Variants in RGS18 observed in about 807,000 individuals in gnomAD.
RGS18 encodes regulator of G-protein signaling 18.
In RGS18, 22 loss-of-function variants were observed where a neutral mutation model predicts 27.6. The ratio of observed to expected loss-of-function variants is 0.80; its 90% CI spans 0.57 to 1.14. RGS18 has a LOEUF of 1.14. Ranked by LOEUF, RGS18 falls within the 50% of genes most tolerant of loss-of-function variation. RGS18 has a pLI of 0.00. For synonymous variants in RGS18, 89 were observed against 84.6 expected, an observed-to-expected ratio of 1.05 and a Z score of -0.29; for missense variants, 299 against 269.6, an observed-to-expected ratio of 1.11 and a Z score of -0.76.
chr1:192,174,658 C>T (rs763707565), intron 3 of RGS18, among the ~76,000 whole-genome samples: 7 of 151,880 alleles, frequency 4.6e-5, no homozygotes, highest in Admixed American at 1.3e-4. Flanking sequence ...AATTACAAAA[C>T]GGAAATACTC....
chr1:192,171,489 A>G (rs555896305), intron 3 of RGS18, among the ~76,000 whole-genome samples: 1 of 152,192 alleles, frequency 6.6e-6, no homozygotes, highest in African/African-American at 2.4e-5. Flanking sequence ...TAGTTAATTA[A>G]CTAATATGTA....
intron 4 of RGS18, among the ~76,000 whole-genome samples, chr1:192,182,871 G>A (rs1019737756): frequency 1.3e-5 from 2 of 151,410 alleles, no homozygotes; most frequent in Non-Finnish European, 3.0e-5. Context: ...CTATTTATAC[G>A]GAGTTTTGTT....
intron 3 of RGS18, 131 bp from the exon 4 acceptor site, chr1:192,181,161 G>A: frequency 3.8e-6 from 2 of 521,784 alleles, no homozygotes; most frequent in Non-Finnish European, 6.7e-6. Context: ...TGCAAGATGT[G>A]TGCTGCGGTG....
chr1:192,183,247 A>C (rs1656485744), intron 4 of RGS18, among the ~76,000 whole-genome samples: 1 of 151,604 alleles, frequency 6.6e-6, no homozygotes, highest in Non-Finnish European at 1.5e-5. Flanking sequence ...TCAGAACCAG[A>C]TATATATGCA....
intron 3 of RGS18, chr1:192,168,450 G>A (rs987517100): frequency 1.3e-5 from 2 of 152,036 alleles, no homozygotes; most frequent in East Asian, 1.9e-4. Context: ...ATATTAGTAC[G>A]CTGACTTCAC....
At chr1:192,175,139 T>C (rs945560060) in intron 3 of RGS18, among the ~76,000 whole-genome samples, 5 of 151,860 alleles carry the variant, frequency 3.3e-5, no homozygotes, top group Non-Finnish European at 1.5e-5. Flanking sequence ...ACTTAATTAC[T>C]TTTCATAGTT....
chr1:192,158,543 CTT>C lies in RGS18; in HGVS notation c.-91_-90del. On this transcript the variant is annotated 5_prime_UTR_variant, in exon 1 of 5. Coordinates refer to ENST00000367460, the MANE Select transcript of RGS18 (RefSeq NM_130782.3). Reference sequence around the variant, plus strand: ...AACATTACTGTAAGAGTTGTGATAACTTTTTATTCTACTATGTATATGTATGG... The same window carrying C: ...AACATTACTGTAAGAGTTGTGATAACTTTATTCTACTATGTATATGTATGG... 9.0e-7 allele frequency: 1 copy of C among 1,105,276 alleles called. No individual in the cohort carries two copies. 68.5% of individuals were successfully genotyped at this position (1,105,276 alleles called of 1,614,324 possible).
At chr1:192,178,018 T>A (rs1656386326) in intron 3 of RGS18, among the ~76,000 whole-genome samples, 1 of 151,640 alleles carries the variant, frequency 6.6e-6, no homozygotes, top group African/African-American at 2.4e-5. Flanking sequence ...GAGGTTTTTA[T>A]AATAATTTGT....
chr1:192,172,416 G>C (rs778892003), intron 3 of RGS18, among the ~76,000 whole-genome samples: 22 of 151,794 alleles, frequency 1.4e-4, no homozygotes, highest in Non-Finnish European at 3.1e-4. Context: ...ACCATATTTT[G>C]ACCCAGCACA....
chr1:192,175,041 C>T (rs1656334396), intron 3 of RGS18, among the ~76,000 whole-genome samples: 1 of 151,768 alleles, frequency 6.6e-6, no homozygotes, highest in Admixed American at 6.6e-5. Context: ...GCTAGCATAT[C>T]CATCCCTTCT....
rs764353778 is a variant in RGS18, at chr1:192,158,663, C to A, written c.26C>A (p.Ser9Tyr). ...ATGGAAACAACATTGCTTTTCTTTT[C>A]TCAAATAAATATGTGTGAATCAAAA... is the stretch of plus-strand genomic sequence containing the variant. METTLLFF[S>Y]QINMCESKEK... The change falls in exon 1 of 5, where the codon TCT (serine) becomes TAT (tyrosine). Residue 9 changes from serine (S) to tyrosine (Y), a missense_variant. Physicochemically the swap from Ser to Tyr is moderately radical, Grantham distance 144. Transcript: ENST00000367460. 1.3e-6 allele frequency: 2 copies of A among 1,569,310 alleles called. No individual in the cohort carries two copies. Among genetic ancestry groups the A allele is most frequent in the African/African-American group, 2.8e-5 (2 of 72,266 alleles).
intron 3 of RGS18, among the ~76,000 whole-genome samples, chr1:192,165,664 T>C (rs934713591): frequency 6.6e-6 from 1 of 152,208 alleles, no homozygotes; most frequent in Non-Finnish European, 1.5e-5. Flanking sequence ...GGGGTCTGGT[T>C]CCCCTGATAC....
intron 3 of RGS18, among the ~76,000 whole-genome samples, chr1:192,178,494 T>C (rs1176734198): frequency 6.6e-6 from 1 of 151,516 alleles, no homozygotes; most frequent in African/African-American, 2.4e-5. Flanking sequence ...AGAGGTGTAA[T>C]AGGAAACTCT....
At chr1:192,161,888 T>C (rs2102150431) in intron 3 of RGS18, among the ~76,000 whole-genome samples, 1 of 152,352 alleles carries the variant, frequency 6.6e-6, no homozygotes, top group Admixed American at 6.5e-5. Context: ...TCCTTAATTG[T>C]CCAACTCTTT....
At chr1:192,170,287 G>T (rs1285233741) in intron 3 of RGS18, among the ~76,000 whole-genome samples, 1 of 152,158 alleles carries the variant, frequency 6.6e-6, no homozygotes, top group Non-Finnish European at 1.5e-5. Context: ...CCTAGTGGGA[G>T]ACATTTGGGT....
At chr1:192,180,463 T>C (rs1008913562) in intron 3 of RGS18, among the ~76,000 whole-genome samples, 5 of 151,598 alleles carry the variant, frequency 3.3e-5, no homozygotes, top group African/African-American at 1.2e-4. Context: ...CAAGACTTAA[T>C]ACCTGCCCCT....
intron 3 of RGS18, among the ~76,000 whole-genome samples, chr1:192,164,710 C>T (rs1557934738): frequency 6.6e-6 from 1 of 152,134 alleles, no homozygotes; most frequent in Non-Finnish European, 1.5e-5. Context: ...AAGAAGGGAC[C>T]AGCTGAAGCT....
chr1:192,178,270 G>A (rs1426621079), intron 3 of RGS18, among the ~76,000 whole-genome samples: 2 of 151,640 alleles, frequency 1.3e-5, no homozygotes, highest in South Asian at 2.1e-4. Flanking sequence ...GATGATAAAT[G>A]TACCATTCAT....
chr1:192,176,387 C>A (rs1172456048), intron 3 of RGS18, among the ~76,000 whole-genome samples: 1 of 151,706 alleles, frequency 6.6e-6, no homozygotes, highest in Admixed American at 6.6e-5. Context: ...CATCTTCATG[C>A]GTACCAGTCT....
Sources: gnomAD v4.1 joint callset for allele counts (sites outside exome capture counted in the v4.1 genomes callset) on GRCh38, gnomAD v4.1.1 for gene constraint, MANE v1.5 for transcripts, NCBI Gene and HGNC (gene_info 2026-07-23, HGNC 2026-07-21) for gene names.